Variants in NSMAF observed in about 807,000 individuals in gnomAD.
The protein encoded by NSMAF is neutral sphingomyelinase activation associated factor.
In NSMAF, 90 loss-of-function variants were observed where a neutral mutation model predicts 134.9. The observed-to-expected ratio is 0.67, with a 90% CI of 0.56 to 0.79. The LOEUF (loss-of-function observed/expected upper bound fraction) is 0.79. NSMAF is among the 30% of genes least tolerant of loss of function. NSMAF has a pLI of 0.00. For synonymous variants in NSMAF, 358 were observed against 389.6 expected, an observed-to-expected ratio of 0.92 and a Z score of 0.96; for missense variants, 1,010 against 1,119.0, an observed-to-expected ratio of 0.90 and a Z score of 1.39.
At chr8:58,611,408 C>T (rs1806526120) in intron 9 of NSMAF, among the ~76,000 whole-genome samples, 1 of 152,074 alleles carries the variant, frequency 6.6e-6, no homozygotes, top group African/African-American at 2.4e-5. Flanking sequence ...GGCATGGTGG[C>T]ATGTGCCTGT....
At chr8:58,587,310 C>T (rs1805907725) in intron 27 of NSMAF, among the ~76,000 whole-genome samples, 1 of 152,118 alleles carries the variant, frequency 6.6e-6, no homozygotes, top group African/African-American at 2.4e-5. Context: ...TATCTTGTTG[C>T]CCCAAAGAGT....
In NSMAF at chr8:58,590,026, A is replaced by G. The variant is rs980152049; in HGVS notation, c.2068T>C (p.Ser690Pro). 6.2e-7 allele frequency: 1 copy of G among 1,613,830 alleles called. No individual in the cohort carries two copies. The highest frequency in any genetic ancestry group is 8.5e-7 in the Non-Finnish European group (1 of 1,179,798). ...ACATACACATTATTATCCCATGAAG[A>G]AGTTATGACAGTGGCATCTCCTGGT... ...LLPGDATVITSSWDNNVYFYS... is the reference protein window; with the variant it reads ...LLPGDATVITPSWDNNVYFYS... Residue 690 changes from serine (S) to proline (P), a missense_variant, in exon 25 of 31, where the codon TCT becomes CCT. Coordinates refer to ENST00000038176, the MANE Select transcript of NSMAF (RefSeq NM_003580.4).
intron 23 of NSMAF, among the ~76,000 whole-genome samples, chr8:58,591,633 G>A (rs1295728653): frequency 2.0e-5 from 3 of 151,498 alleles, no homozygotes; most frequent in East Asian, 1.9e-4. Flanking sequence ...ATTTTTTGAC[G>A]TGCACACCAC....
rs756126827 is a variant in NSMAF, at chr8:58,659,506, G to A, written c.59+67C>T. ...GCCGCCTCCCGTCCCTCAGATCTCC[G>A]GCCGGCGTCCCCACGACCGGCCCCG... On this transcript the variant is annotated intron_variant, in intron 1 of 30. Transcript: ENST00000038176. The A allele has an allele frequency of 1.0e-4, 158 of 1,507,376 alleles. No homozygotes were observed. The East Asian group carries it at 1.5e-3, about 14-fold the overall frequency. 93.4% of individuals were successfully genotyped at this position (1,507,376 alleles called of 1,614,324 possible). A position where few individuals can be genotyped will look rare whatever the true frequency, so the allele number is the denominator to read the frequency against.
At chr8:58,650,408 C>G (rs763953415) in intron 1 of NSMAF, among the ~76,000 whole-genome samples, 6 of 152,070 alleles carry the variant, frequency 3.9e-5, no homozygotes, top group Non-Finnish European at 2.9e-5. Context: ...CAGAGAAATA[C>G]TACCTGTACA....
chr8:58,650,300 C>T (rs1321207933), intron 1 of NSMAF, among the ~76,000 whole-genome samples: 1 of 152,054 alleles, frequency 6.6e-6, no homozygotes, highest in African/African-American at 2.4e-5. Context: ...TTAATCTGTA[C>T]CATTTTTCAA....
chr8:58,596,145 A>G (rs1242131276), intron 21 of NSMAF, among the ~76,000 whole-genome samples: 2 of 152,210 alleles, frequency 1.3e-5, no homozygotes, highest in East Asian at 3.9e-4. Flanking sequence ...ATCACATGAC[A>G]GTGGTTACAG....
At chr8:58,588,902 C>A in intron 26 of NSMAF, 2 of 644,244 alleles carry the variant, frequency 3.1e-6, no homozygotes, top group Non-Finnish European at 5.6e-6. Context: ...GAATGCTAGA[C>A]CATTCATCCC....
At position 58,659,465 on chromosome 8, in the gene NSMAF, C is replaced by G. The variant is rs766225135; in HGVS notation, c.59+108G>C. ...TGGACACGCGTCCGGCCCCTGCCTC[C>G]GTGCCCGGCCCCCACGCCGCCTCCC... On this transcript the variant is annotated intron_variant, in intron 1 of 30. Coordinates refer to ENST00000038176, the MANE Select transcript of NSMAF (RefSeq NM_003580.4). The G allele has an allele frequency of 1.3e-5, 20 of 1,483,308 alleles. No homozygotes were observed. In the East Asian group the frequency reaches 5.4e-4, roughly 40 times the overall value. The allele number at this position is 1,483,308 out of a possible 1,614,324, so 91.9% of individuals were successfully genotyped here. A position where few individuals can be genotyped will look rare whatever the true frequency, so the allele number is the denominator to read the frequency against.
In NSMAF at chr8:58,589,990, G is replaced by T; in HGVS notation, c.2087+17C>A. 6.2e-7 allele frequency: 1 copy of T among 1,608,012 alleles called. No homozygotes were observed. Reference sequence around the variant, plus strand: ...TTCTGCACGTCGAATCACAGAGCAGGGTGCACAGATACATACACATTATTA... The same window carrying T: ...TTCTGCACGTCGAATCACAGAGCAGTGTGCACAGATACATACACATTATTA... On this transcript the variant is annotated intron_variant, in intron 25 of 30. Transcript: ENST00000038176.
chr8:58,645,549 T>A (rs1178955515), intron 1 of NSMAF, among the ~76,000 whole-genome samples: 1 of 152,078 alleles, frequency 6.6e-6, no homozygotes, highest in Non-Finnish European at 1.5e-5. Context: ...CAGAATTAAA[T>A]GCTTCACATT....
At chr8:58,609,813 G>T in intron 9 of NSMAF, 80 bp from the exon 10 acceptor site, 1 of 1,359,580 alleles carries the variant, frequency 7.4e-7, no homozygotes, top group Non-Finnish European at 1.0e-6. Flanking sequence ...GAGCTACAGT[G>T]TGACTTTCTA....
intron 1 of NSMAF, among the ~76,000 whole-genome samples, chr8:58,657,842 C>A (rs1807754419): frequency 6.6e-6 from 1 of 152,160 alleles, no homozygotes; most frequent in African/African-American, 2.4e-5. Context: ...GTTTTGGTTG[C>A]CAAGAGCTAG....
At chr8:58,584,486 A>C (rs1411045726) in intron 30 of NSMAF, among the ~76,000 whole-genome samples, 1 of 152,226 alleles carries the variant, frequency 6.6e-6, no homozygotes, top group African/African-American at 2.4e-5. Context: ...TTGGCGAAGT[A>C]AGTACAATAC....
chr8:58,586,305 A>T, intron 28 of NSMAF, 153 bp downstream of exon 28: 1 of 735,866 alleles, frequency 1.4e-6, no homozygotes, highest in Non-Finnish European at 2.2e-6. Context: ...GTACCCTGGC[A>T]TAAAGCAGTG....
At chr8:58,654,253 T>C (rs184515735) in intron 1 of NSMAF, among the ~76,000 whole-genome samples, 37 of 152,340 alleles carry the variant, frequency 2.4e-4, no homozygotes, top group African/African-American at 8.9e-4. Flanking sequence ...GCCAAGTGCT[T>C]TTTATAAAAT....
At chr8:58,604,795 T>C (rs1806367200) in intron 12 of NSMAF, among the ~76,000 whole-genome samples, 2 of 152,146 alleles carry the variant, frequency 1.3e-5, no homozygotes, top group Non-Finnish European at 2.9e-5. Context: ...CCAGGCTGAA[T>C]TGCAGTGGTG....
intron 1 of NSMAF, among the ~76,000 whole-genome samples, chr8:58,656,548 C>T (rs1807715265): frequency 6.6e-6 from 1 of 151,980 alleles, no homozygotes; most frequent in Non-Finnish European, 1.5e-5. Flanking sequence ...GTATAAGGGC[C>T]GGGCACGGTG....
intron 11 of NSMAF, among the ~76,000 whole-genome samples, chr8:58,606,375 CTTCTT>C (rs1806412208): frequency 6.6e-6 from 1 of 152,148 alleles, no homozygotes; most frequent in African/African-American, 2.4e-5. Context: ...CTTCACATCT[CTTCTT>C]CAAACATAAA....
Sources: gnomAD v4.1 joint callset for allele counts (sites outside exome capture counted in the v4.1 genomes callset) on GRCh38, gnomAD v4.1.1 for gene constraint, MANE v1.5 for transcripts, NCBI Gene and HGNC (gene_info 2026-07-23, HGNC 2026-07-21) for gene names.